Variants in ZYG11B observed in about 807,000 individuals in gnomAD.
ZYG11B encodes protein zyg-11 homolog B.
A neutral mutation model predicts 82.4 loss-of-function variants in ZYG11B; 36 were observed. The observed-to-expected ratio is 0.44, with a 90% CI of 0.33 to 0.58. The LOEUF (loss-of-function observed/expected upper bound fraction) is 0.58, where lower values mean the gene tolerates loss of function less well. Among genes scored for constraint, ZYG11B ranks in the 20% least tolerant of loss-of-function variants. The pLI is 0.02. For synonymous variants in ZYG11B, 303 were observed against 312.8 expected, an observed-to-expected ratio of 0.97 and a Z score of 0.33; for missense variants, 552 against 895.6, an observed-to-expected ratio of 0.62 and a Z score of 4.90.
chr1:52,791,273 T>G (rs1191620594), intron 6 of ZYG11B, among the ~76,000 whole-genome samples: 1 of 152,130 alleles, frequency 6.6e-6, no homozygotes, highest in Non-Finnish European at 1.5e-5. Context: ...ATGCCCAGTC[T>G]TAAAATATAA....
Position 52,791,380 on chromosome 1 carries a change from T to TTTTA in ZYG11B, c.1334+1316_1334+1317insATTT, listed in dbSNP as rs1644958325. Among the ~76,000 whole-genome samples the TTTTA allele has an allele frequency of 4.6e-5, 7 of 152,104 alleles. No homozygotes were observed. The South Asian group carries it at 1.2e-3, about 27-fold the overall frequency. On this transcript the variant is annotated intron_variant, in intron 6 of 13. Transcript: ENST00000294353. ...GCAATTTTTTATTTTATTTTATTTT[T>TTTTA]TTTTTGAGATGGAATTTCACTCTTG...
chr1:52,771,240 G>C lies in ZYG11B; in HGVS notation c.417G>C (p.Gln139His). 1 of 1,614,234 alleles carries C rather than the reference G, an allele frequency of 6.2e-7. No individual in the cohort carries two copies. The highest frequency in any genetic ancestry group is 8.5e-7 in the Non-Finnish European group (1 of 1,180,026). The change falls in exon 3 of 14, where the codon CAG becomes CAC. Residue 139 changes from glutamine to histidine, a missense_variant. Transcript: ENST00000294353. The surrounding 1 kb of genome is among the most constrained non-coding windows in gnomAD (Gnocchi z 5.4). ...ACAAATGGATCCAGCAGAATCTCCA[G>C]TGCCTGGTGCTGAATTCATTAACTC... ...GSNKWIQQNL[Q>H]CLVLNSLTLS...
chr1:52,818,003 A>G (rs1164336197), intron 13 of ZYG11B, among the ~76,000 whole-genome samples: 1 of 148,862 alleles, frequency 6.7e-6, no homozygotes, highest in Non-Finnish European at 1.5e-5. Flanking sequence ...ACACCTGGCT[A>G]ATTTTCGTAT....
At chr1:52,764,891 C>G (rs979723973) in intron 2 of ZYG11B, among the ~76,000 whole-genome samples, 3 of 152,120 alleles carry the variant, frequency 2.0e-5, no homozygotes, top group African/African-American at 4.8e-5. Flanking sequence ...CCCAGGAGTT[C>G]TGGAGTATTT....
chr1:52,815,533 T>TGC, intron 12 of ZYG11B, among the ~76,000 whole-genome samples: 1 of 151,896 alleles, frequency 6.6e-6, no homozygotes. Context: ...GGTGGGAGAA[T>TGC]CGCTTGAGCC....
At chr1:52,797,703 G>GTTTCA (rs1645038573) in intron 8 of ZYG11B, among the ~76,000 whole-genome samples, 1 of 150,634 alleles carries the variant, frequency 6.6e-6, no homozygotes, top group African/African-American at 2.4e-5. Flanking sequence ...TAGAGTCAGG[G>GTTTCA]TTTCACCATG....
In ZYG11B at chr1:52,821,740, A is replaced by G; in HGVS notation, c.*111A>G. On this transcript the variant is annotated 3_prime_UTR_variant, in exon 14 of 14. Transcript: ENST00000294353. ...GGGGTTTCTATGACAAGAGTCATAA[A>G]ATCAGTTTGGGATTGATAATGTGTA... 1 of 1,057,662 alleles carries G rather than the reference A, an allele frequency of 9.5e-7. No individual in the cohort carries two copies. Among genetic ancestry groups the G allele is most frequent in the Non-Finnish European group, 1.4e-6 (1 of 739,056 alleles). 65.5% of individuals were successfully genotyped at this position (1,057,662 alleles called of 1,614,324 possible).
intron 8 of ZYG11B, among the ~76,000 whole-genome samples, chr1:52,797,504 AAT>A (rs1390485048): frequency 1.3e-5 from 1 of 74,370 alleles, no homozygotes. Context: ...AATATATAAA[AAT>A]ATATATATAT....
chr1:52,802,340 C>CTTTTTTTTT (rs397980205), intron 10 of ZYG11B, among the ~76,000 whole-genome samples: 1 of 78,072 alleles, frequency 1.3e-5, no homozygotes, highest in Non-Finnish European at 2.3e-5. Context: ...TTCTTTCTCT[C>CTTTTTTTTT]TTTTTTTTTT....
intron 8 of ZYG11B, among the ~76,000 whole-genome samples, chr1:52,801,162 GGAAAAATAA>G (rs1645073055): frequency 1.3e-5 from 2 of 151,956 alleles, no homozygotes; most frequent in Non-Finnish European, 2.9e-5. Flanking sequence ...GGGGAAAGGG[GGAAAAATAA>G]GAAAAAGGAA....
chr1:52,801,708 G>C (rs1287749731), intron 8 of ZYG11B, 111 bp from the exon 9 acceptor site: 1 of 847,964 alleles, frequency 1.2e-6, no homozygotes, highest in Non-Finnish European at 1.8e-6. Flanking sequence ...ACCTTTACAG[G>C]AAATGCTTTA....
At chr1:52,766,195 ACTGCAAC>A (rs1644688472) in intron 2 of ZYG11B, among the ~76,000 whole-genome samples, 1 of 146,816 alleles carries the variant, frequency 6.8e-6, no homozygotes, top group South Asian at 2.1e-4. Flanking sequence ...ATCTTGGCTC[ACTGCAAC>A]CCCTGTCTCC....
chr1:52,790,422 A>T (rs1429023512), intron 6 of ZYG11B, among the ~76,000 whole-genome samples: 1 of 152,090 alleles, frequency 6.6e-6, no homozygotes, highest in East Asian at 1.9e-4. Context: ...GTGTCTAATA[A>T]CTGCAAGATT....
chr1:52,769,972 T>C (rs2149937533), intron 2 of ZYG11B, among the ~76,000 whole-genome samples: 1 of 151,678 alleles, frequency 6.6e-6, no homozygotes, highest in South Asian at 2.1e-4. Flanking sequence ...CACTGTTGAT[T>C]GGTAGACAGG....
intron 1 of ZYG11B, among the ~76,000 whole-genome samples, chr1:52,736,822 C>G (rs1383488494): frequency 6.6e-6 from 1 of 152,162 alleles, no homozygotes; most frequent in Non-Finnish European, 1.5e-5. Context: ...CTCCTGTCCT[C>G]AAGTGATCTG....
chr1:52,754,747 C>T (rs1644557050), intron 1 of ZYG11B, among the ~76,000 whole-genome samples: 1 of 152,104 alleles, frequency 6.6e-6, no homozygotes, highest in Non-Finnish European at 1.5e-5. Context: ...AATAGATATA[C>T]ATTGGTGTCA....
intron 1 of ZYG11B, among the ~76,000 whole-genome samples, chr1:52,727,079 C>T (rs543394093): frequency 1.3e-5 from 2 of 151,822 alleles, no homozygotes; most frequent in African/African-American, 2.4e-5. Context: ...TTTCGCTGCT[C>T]TTCCTTGCTC....
chr1:52,796,946 G>GTATAATTATATATTATATATAATA (rs1558137249), intron 8 of ZYG11B, among the ~76,000 whole-genome samples, 162 bp downstream of exon 8: 11 of 76,768 alleles, frequency 1.4e-4, no homozygotes, highest in South Asian at 3.8e-4. Flanking sequence ...TATATATAAT[G>GTATAATTATATATTATATATAATA]TATAATTATA....
At chr1:52,781,116 A>G (rs1478603596) in intron 4 of ZYG11B, among the ~76,000 whole-genome samples, 2 of 152,218 alleles carry the variant, frequency 1.3e-5, no homozygotes, top group Non-Finnish European at 2.9e-5. Context: ...AGCATGAGCA[A>G]CAGAGCAAGA....
Sources: allele counts gnomAD v4.1 joint callset (sites outside exome capture counted in the v4.1 genomes callset), GRCh38; gene constraint gnomAD v4.1.1; non-coding constraint Gnocchi (gnomAD v3.1); transcripts MANE v1.5; gene names NCBI Gene and HGNC (gene_info 2026-07-23, HGNC 2026-07-21).